Variants in USP9X observed in about 807,000 individuals in gnomAD.
The protein encoded by USP9X is ubiquitin carboxyl-terminal hydrolase 9X.
A neutral mutation model predicts 190.3 loss-of-function variants in USP9X; 7 were observed. That is an observed-to-expected ratio of 0.04 (90% CI 0.02 to 0.07). The LOEUF is 0.07. Ranked by LOEUF, USP9X falls within the 10% of genes least tolerant of loss-of-function variation. USP9X has a pLI of 1.00. For synonymous variants in USP9X, 645 were observed against 659.5 expected, an observed-to-expected ratio of 0.98 and a Z score of 0.34; for missense variants, 1,010 against 1,916.9, an observed-to-expected ratio of 0.53 and a Z score of 8.83.
chrX:41,125,684 A>ACACACTCTCTCT, intron 2 of USP9X, among the ~76,000 whole-genome samples: 47 of 19,019 alleles, frequency 2.5e-3, no homozygotes, highest in South Asian at 3.7e-3. Context: ...ACACACACAC[A>ACACACTCTCTCT]CTCTCTCTCT....
intron 6 of USP9X, among the ~76,000 whole-genome samples, chrX:41,138,364 G>A (rs1469212163): frequency 8.9e-6 from 1 of 111,999 alleles, no homozygotes; most frequent in Non-Finnish European, 1.9e-5. Context: ...AAAAGTGGTA[G>A]TGGCAAAATT....
At chrX:41,187,882 G>T in intron 24 of USP9X, 110 bp from the exon 25 acceptor site, 6 of 621,083 alleles carry the variant, frequency 9.7e-6, no homozygotes, top group Non-Finnish European at 1.4e-5. Context: ...TAAAAACAAT[G>T]GTACTACACA....
intron 26 of USP9X, among the ~76,000 whole-genome samples, chrX:41,193,189 C>A (rs1199559492): frequency 3.6e-5 from 4 of 110,626 alleles, no homozygotes; most frequent in Non-Finnish European, 1.9e-5. Flanking sequence ...ATAACAAACA[C>A]CCTGTGAGGG....
intron 1 of USP9X, among the ~76,000 whole-genome samples, chrX:41,108,380 C>G (rs1256579403): frequency 9.0e-6 from 1 of 111,585 alleles, no homozygotes; most frequent in East Asian, 2.8e-4. Context: ...AATTGCCCCA[C>G]AGTCTGATCC....
chrX:41,101,094 T>C (rs1027685146), intron 1 of USP9X, among the ~76,000 whole-genome samples: 13 of 111,974 alleles, frequency 1.2e-4, no homozygotes, highest in African/African-American at 3.9e-4. Context: ...AATTTAAATA[T>C]TTTCGTCTTT....
At chrX:41,106,887 CTTTTTT>C (rs60809399) in intron 1 of USP9X, among the ~76,000 whole-genome samples, 10 of 79,977 alleles carry the variant, frequency 1.3e-4, no homozygotes, top group African/African-American at 2.7e-4. Context: ...CTTTTCTTTT[CTTTTTT>C]TTTTTTTTTT....
At position 41,184,600 on chromosome X, in the gene USP9X, C is replaced by T. The variant is rs2062857129; in HGVS notation, c.3483C>T (p.Ala1161=). The change falls in exon 23 of 45, where the codon GCC becomes GCT. Residue 1161 remains alanine, a synonymous_variant. Coordinates refer to ENST00000378308, the MANE Select transcript of USP9X (RefSeq NM_001039591.3). ...AAATAGCCAAGCTTTTGCTAACTGCCATTGGCTATGGTCATGTTCGAGCTG... is the reference window on the plus strand; with the variant it reads ...AAATAGCCAAGCTTTTGCTAACTGCTATTGGCTATGGTCATGTTCGAGCTG... ...ALKIAKLLLT[A]IGYGHVRAVA... 1 of 1,211,393 alleles carries T rather than the reference C, an allele frequency of 8.3e-7. No individual in the cohort carries two copies. The highest frequency in any genetic ancestry group is 1.1e-6 in the Non-Finnish European group (1 of 895,171).
In USP9X at chrX:41,218,402, C is replaced by A; in HGVS notation, c.6240C>A (p.His2080Gln). ...WYDALCILLRHSKNVRFWFAH... is the reference protein window; with the variant it reads ...WYDALCILLRQSKNVRFWFAH... Reference sequence around the variant, plus strand: ...ATGCATTGTGTATTCTCCTTCGTCACAGCAAGAATGTACGTTTTTGGTTTG... The same window carrying A: ...ATGCATTGTGTATTCTCCTTCGTCAAAGCAAGAATGTACGTTTTTGGTTTG... Residue 2080 changes from histidine (H) to glutamine (Q), a missense_variant, in exon 37 of 45, where the codon CAC becomes CAA. This residue lies in a region of USP9X where 121 missense variants were observed against 281.2 expected (regional missense o/e 0.43). Coordinates refer to ENST00000378308, the MANE Select transcript of USP9X (RefSeq NM_001039591.3). 8.3e-7 allele frequency: 1 copy of A among 1,211,483 alleles called. No homozygotes were observed. The highest frequency in any genetic ancestry group is 1.1e-6 in the Non-Finnish European group (1 of 895,472).
chrX:41,133,818 A>G (rs2062346598), intron 4 of USP9X, among the ~76,000 whole-genome samples: 1 of 112,403 alleles, frequency 8.9e-6, no homozygotes, highest in Non-Finnish European at 1.9e-5. Flanking sequence ...TATATGTACC[A>G]CATTTCCTTT....
intron 32 of USP9X, among the ~76,000 whole-genome samples, chrX:41,207,655 G>T (rs779803374): frequency 9.0e-6 from 1 of 111,380 alleles, no homozygotes; most frequent in Non-Finnish European, 1.9e-5. Flanking sequence ...GTGAGGTTTG[G>T]TTTGTTTTGT....
chrX:41,114,928 A>G (rs1017238670), intron 1 of USP9X, among the ~76,000 whole-genome samples: 1 of 111,037 alleles, frequency 9.0e-6, no homozygotes, highest in African/African-American at 3.3e-5. Context: ...TGAGGAATCA[A>G]AAGTTATTTA....
chrX:41,206,129 G>A (rs1212209256), intron 32 of USP9X, among the ~76,000 whole-genome samples: 2 of 110,694 alleles, frequency 1.8e-5, no homozygotes, highest in Non-Finnish European at 3.8e-5. Flanking sequence ...CTGACCTCAG[G>A]TGATTCCCAT....
chrX:41,162,090 A>G (rs1181913921), intron 14 of USP9X, among the ~76,000 whole-genome samples: 3 of 111,872 alleles, frequency 2.7e-5, no homozygotes, highest in Non-Finnish European at 5.6e-5. Flanking sequence ...GACATTATGA[A>G]TGTCCCATCT....
chrX:41,166,017 T>C lies in USP9X; in HGVS notation c.2131T>C (p.Leu711=). 8.3e-7 allele frequency: 1 copy of C among 1,211,686 alleles called. No homozygotes were observed. Among genetic ancestry groups the C allele is most frequent in the South Asian group, 1.8e-5 (1 of 56,974 alleles). ...CAAGTTGATGGGGGATGAACCAGAC[T>C]TAGATCCTGATATTAATAAGGACTT... ...YSKLMGDEPD[L]DPDINKDFFE... The change falls in exon 16 of 45, where the codon TTA becomes CTA. Residue 711 remains leucine, a synonymous_variant. Transcript: ENST00000378308.
intron 2 of USP9X, among the ~76,000 whole-genome samples, chrX:41,126,373 A>T (rs2062252105): frequency 8.9e-6 from 1 of 111,974 alleles, no homozygotes; most frequent in African/African-American, 3.3e-5. Flanking sequence ...TTTGAGTTGG[A>T]TGCTAAAGAT....
At chrX:41,116,656 A>G (rs777052855) in intron 1 of USP9X, among the ~76,000 whole-genome samples, 1 of 112,490 alleles carries the variant, frequency 8.9e-6, no homozygotes, top group South Asian at 3.6e-4. Flanking sequence ...TTCATTCCTG[A>G]AATATTTAGG....
At chrX:41,089,458 A>T (rs982986928) in intron 1 of USP9X, among the ~76,000 whole-genome samples, 3 of 112,139 alleles carry the variant, frequency 2.7e-5, no homozygotes, top group Admixed American at 9.5e-5. Flanking sequence ...TGCCCAAGGG[A>T]GATGTTAAAA....
chrX:41,197,331 T>TGGCCCCGCCCCCCCCC, intron 28 of USP9X, 33 bp from the exon 29 acceptor site: 1 of 486,767 alleles, frequency 2.1e-6, no homozygotes, highest in Non-Finnish European at 2.9e-6. Flanking sequence ...TTTGATTTCT[T>TGGCCCCGCCCCCCCCC]CCCCCCCCCA....
chrX:41,207,586 C>G (rs777805000), intron 32 of USP9X, among the ~76,000 whole-genome samples: 1 of 111,714 alleles, frequency 9.0e-6, no homozygotes, highest in East Asian at 2.8e-4. Context: ...GCTAAAATAA[C>G]TACAGTACAA....
Sources: allele counts gnomAD v4.1 joint callset (sites outside exome capture counted in the v4.1 genomes callset), GRCh38; gene constraint gnomAD v4.1.1; regional missense constraint gnomAD v4.1.1; transcripts MANE v1.5; gene names NCBI Gene and HGNC (gene_info 2026-07-23, HGNC 2026-07-21).